DSCAM: variants seen among roughly 807,000 people sequenced by gnomAD.
DSCAM encodes the protein cell adhesion molecule DSCAM.
DSCAM carries 47 observed loss-of-function variants against 217.7 expected under a neutral mutation model. The ratio of observed to expected loss-of-function variants is 0.22; its 90% CI spans 0.17 to 0.28. The LOEUF (loss-of-function observed/expected upper bound fraction) is 0.28. Among genes scored for constraint, DSCAM ranks in the 10% least tolerant of loss-of-function variants. The pLI is 1.00. For missense variants in DSCAM, 2,080 were observed against 2,618.3 expected (o/e 0.79, Z 4.49); for synonymous variants, 1,056 against 1,015.3 (o/e 1.04, Z -0.76).
intron 3 of DSCAM, among the ~76,000 whole-genome samples, chr21:40,443,569 C>A (rs1198486882): frequency 6.6e-6 from 1 of 152,158 alleles, no homozygotes; most frequent in East Asian, 1.9e-4. Flanking sequence ...AAAATAAAAT[C>A]TAGGTTTATA....
At chr21:40,826,886 A>G (rs927778927) in intron 1 of DSCAM, among the ~76,000 whole-genome samples, 1 of 152,208 alleles carries the variant, frequency 6.6e-6, no homozygotes, top group African/African-American at 2.4e-5. Flanking sequence ...CTCAGAGAAG[A>G]AATCATGGAT....
intron 3 of DSCAM, among the ~76,000 whole-genome samples, chr21:40,672,943 C>T (rs943950935): frequency 6.6e-6 from 1 of 152,146 alleles, no homozygotes; most frequent in Non-Finnish European, 1.5e-5. Context: ...TTTGCTCTCC[C>T]CCGCACTTTT....
At chr21:40,238,998 G>A (rs532801982) in intron 11 of DSCAM, among the ~76,000 whole-genome samples, 9 of 152,190 alleles carry the variant, frequency 5.9e-5, no homozygotes, top group South Asian at 4.2e-4. Flanking sequence ...ATCATTCACC[G>A]TCTAACTTAT....
Position 40,012,694 on chromosome 21 carries a change from C to G in DSCAM, c.*340G>C, listed in dbSNP as rs1215954844. The G allele has an allele frequency of 6.1e-6, 1 of 164,114 alleles. No individual in the cohort carries two copies. The highest frequency in any genetic ancestry group is 1.3e-5 in the Non-Finnish European group (1 of 76,352). The allele number at this position is 164,114 out of a possible 1,614,324, so 10.2% of individuals were successfully genotyped here. A position where few individuals can be genotyped will look rare whatever the true frequency, so the allele number is the denominator to read the frequency against. On this transcript the variant is annotated 3_prime_UTR_variant, in exon 33 of 33. Transcript: ENST00000400454. ...ATTTCCCACCCACCCTGTTTTCTTTCTTGCCTCTTGTGTGATAGAACTTCC... is the reference window on the plus strand; with the variant it reads ...ATTTCCCACCCACCCTGTTTTCTTTGTTGCCTCTTGTGTGATAGAACTTCC...
At chr21:40,531,023 G>A (rs2076441792) in intron 3 of DSCAM, among the ~76,000 whole-genome samples, 1 of 152,124 alleles carries the variant, frequency 6.6e-6, no homozygotes, top group South Asian at 2.1e-4. Flanking sequence ...GGAGTGCCCT[G>A]CTTCTGGTGT....
At chr21:40,331,794 T>C (rs1431888044) in intron 8 of DSCAM, among the ~76,000 whole-genome samples, 2 of 152,260 alleles carry the variant, frequency 1.3e-5, no homozygotes, top group Admixed American at 6.5e-5. Context: ...CATCTCACTA[T>C]TGGCAAACAT....
chr21:40,731,746 C>T (rs1289238781), intron 1 of DSCAM, among the ~76,000 whole-genome samples: 6 of 142,528 alleles, frequency 4.2e-5, no homozygotes, highest in African/African-American at 7.9e-5. Flanking sequence ...CCCCGCCCCC[C>T]GGGTGAGAGT....
At chr21:40,395,534 T>G (rs2123763311) in intron 3 of DSCAM, among the ~76,000 whole-genome samples, 1 of 152,304 alleles carries the variant, frequency 6.6e-6, no homozygotes, top group Admixed American at 6.5e-5. Flanking sequence ...AATTTGGAGA[T>G]TTGGGTGTAG....
rs770948770 is a variant in DSCAM at position 40,167,259 on chromosome 21, G to C, written c.2977C>G (p.Leu993Val). Residue 993 changes from leucine (L) to valine (V), a missense_variant, in exon 16 of 33, where the codon CTG becomes GTG. Leu to Val is a conservative substitution (Grantham distance 32). Transcript: ENST00000400454. Reference protein sequence around the residue: ...APDGPPQEVHLEPISSQSIRV... With the variant: ...APDGPPQEVHVEPISSQSIRV... Reference sequence around the variant, plus strand: ...ATGCTCTGAGATGATATAGGCTCCAGGTGAACTTCCTGAGGTGGACCATCA... The same window carrying C: ...ATGCTCTGAGATGATATAGGCTCCACGTGAACTTCCTGAGGTGGACCATCA... 9 of 1,613,896 alleles carry C rather than the reference G, an allele frequency of 5.6e-6. No individual in the cohort carries two copies. Among genetic ancestry groups the C allele is most frequent in the Non-Finnish European group, 6.8e-6 (8 of 1,180,032 alleles).
intron 11 of DSCAM, among the ~76,000 whole-genome samples, chr21:40,272,269 C>T (rs1423306146): frequency 2.6e-5 from 4 of 152,036 alleles, no homozygotes; most frequent in Non-Finnish European, 2.9e-5. Flanking sequence ...GCCTCCTAAT[C>T]GTTATCTCAC....
intron 1 of DSCAM, among the ~76,000 whole-genome samples, chr21:40,818,734 T>C (rs930743831): frequency 1.3e-5 from 2 of 151,754 alleles, no homozygotes; most frequent in Non-Finnish European, 2.9e-5. Flanking sequence ...AACAGAACAA[T>C]TAAAAATATT....
At chr21:40,296,584 C>A (rs1478386827) in intron 9 of DSCAM, among the ~76,000 whole-genome samples, 1 of 152,106 alleles carries the variant, frequency 6.6e-6, no homozygotes, top group African/African-American at 2.4e-5. Flanking sequence ...GTAATCCCAA[C>A]ACTTTGGGAG....
At chr21:40,539,286 C>G (rs185501073) in intron 3 of DSCAM, among the ~76,000 whole-genome samples, 1 of 152,056 alleles carries the variant, frequency 6.6e-6, no homozygotes, top group East Asian at 1.9e-4. Flanking sequence ...GGGCGGATCA[C>G]GAGGTCAGGA....
intron 20 of DSCAM, among the ~76,000 whole-genome samples, chr21:40,123,561 A>G (rs1370389343): frequency 6.6e-6 from 1 of 152,188 alleles, no homozygotes; most frequent in Non-Finnish European, 1.5e-5. Flanking sequence ...CTTTATAATG[A>G]TTATTCAGCA....
chr21:40,369,245 C>T lies in DSCAM; in HGVS notation c.509G>A (p.Gly170Glu). ...CGTGGATGTGATGAGAAATCTAGAT[C>T]CTGAAATAGAGGAAAACAGTGGCTT... is the stretch of plus-strand genomic sequence containing the variant. ...WEKDTVSLVS[G>E]SRFLITSTGA... is the part of the protein sequence containing the mutation. Residue 170 changes from glycine (G) to glutamate (E), a missense_variant and splice_region_variant, in exon 4 of 33, where the codon GGA (glycine) becomes GAA (glutamate). Transcript: ENST00000400454. 1 of 1,606,202 alleles carries T rather than the reference C, an allele frequency of 6.2e-7. No individual in the cohort carries two copies. The highest frequency in any genetic ancestry group is 1.1e-5 in the South Asian group (1 of 89,114).
chr21:40,532,155 T>A (rs1241545439), intron 3 of DSCAM, among the ~76,000 whole-genome samples: 1 of 152,226 alleles, frequency 6.6e-6, no homozygotes, highest in Non-Finnish European at 1.5e-5. Context: ...AATGTTATGA[T>A]TTAATACTTT....
intron 3 of DSCAM, among the ~76,000 whole-genome samples, chr21:40,551,518 G>C (rs997143168): frequency 3.9e-5 from 6 of 152,142 alleles, no homozygotes; most frequent in African/African-American, 1.4e-4. Flanking sequence ...TTTAAAAGGT[G>C]CTAGACTCTC....
chr21:40,402,364 C>T (rs564531467), intron 3 of DSCAM, among the ~76,000 whole-genome samples: 10 of 151,788 alleles, frequency 6.6e-5, no homozygotes, highest in Non-Finnish European at 1.0e-4. Context: ...CCACCACGCC[C>T]GGCTAAAATA....
chr21:40,567,442 T>C (rs750510024), intron 3 of DSCAM, among the ~76,000 whole-genome samples: 39 of 152,212 alleles, frequency 2.6e-4, no homozygotes, highest in Non-Finnish European at 5.0e-4. Flanking sequence ...ATAATAACAA[T>C]TTGCTCTAGA....
Sources: allele counts gnomAD v4.1 joint callset (sites outside exome capture counted in the v4.1 genomes callset), GRCh38; gene constraint gnomAD v4.1.1; transcripts MANE v1.5; gene names NCBI Gene and HGNC (gene_info 2026-07-23, HGNC 2026-07-21).